SMC1B: variants seen among roughly 807,000 people sequenced by gnomAD.
The protein encoded by SMC1B is structural maintenance of chromosomes 1B.
In SMC1B, 60 loss-of-function variants were observed where a neutral mutation model predicts 157.9. That is an observed-to-expected ratio of 0.38 (90% CI 0.31 to 0.47). SMC1B has a LOEUF of 0.47. Among genes scored for constraint, SMC1B ranks in the 20% least tolerant of loss-of-function variants. The pLI is 0.99. For missense variants in SMC1B, 1,165 were observed against 1,426.2 expected, an observed-to-expected ratio of 0.82 and a Z score of 2.95; for synonymous variants, 445 against 483.0, an observed-to-expected ratio of 0.92 and a Z score of 1.03.
At chr22:45,386,732 G>A in intron 11 of SMC1B, 135 bp downstream of exon 11, 2 of 674,788 alleles carry the variant, frequency 3.0e-6, no homozygotes, top group Non-Finnish European at 2.3e-6. Context: ...AACCACCTTA[G>A]GTTCTATGTT....
intron 11 of SMC1B, 132 bp downstream of exon 11, chr22:45,386,735 T>A (rs1360819453): frequency 2.8e-6 from 2 of 719,252 alleles, no homozygotes; most frequent in Non-Finnish European, 4.3e-6. Context: ...CACCTTAGGT[T>A]CTATGTTGGT....
chr22:45,399,816 A>T (rs2087171570), intron 5 of SMC1B, among the ~76,000 whole-genome samples: 1 of 152,232 alleles, frequency 6.6e-6, no homozygotes, highest in Non-Finnish European at 1.5e-5. Flanking sequence ...AAAGAATTGT[A>T]TATAAGTACT....
Position 45,399,155 on chromosome 22 carries a change from T to C in SMC1B, c.1053A>G (p.Glu351=), listed in dbSNP as rs763233682. The C allele has an allele frequency of 1.9e-6, 3 of 1,614,064 alleles. No individual in the cohort carries two copies. The highest frequency in any genetic ancestry group is 2.5e-6 in the Non-Finnish European group (3 of 1,179,994). The change falls in exon 6 of 25, where the codon GAA becomes GAG. Residue 351 remains glutamate (E), a synonymous_variant. Coordinates refer to ENST00000357450, the MANE Select transcript of SMC1B (RefSeq NM_148674.5). The part of the protein sequence containing the change: ...ADLDAAWRSF[E]KQIEEEILHK... ...GTAAAATTTCTTCCTCAATCTGCTTTTCAAAACTTCTCCATGCAGCATCTA... is the reference window on the plus strand; with the variant it reads ...GTAAAATTTCTTCCTCAATCTGCTTCTCAAAACTTCTCCATGCAGCATCTA...
At position 45,392,526 on chromosome 22, in the gene SMC1B, G is replaced by A. The variant is rs191598891; in HGVS notation, c.1545+1108C>T. 4.2e-4 allele frequency among the ~76,000 whole-genome samples: 62 copies of A among 148,376 alleles called. 1 individual carries two copies. Among genetic ancestry groups the A allele is most frequent in the African/African-American group, 1.5e-3 (61 of 40,158 alleles). On this transcript the variant is annotated intron_variant, in intron 9 of 24. Coordinates refer to ENST00000357450, the MANE Select transcript of SMC1B (RefSeq NM_148674.5). The stretch of plus-strand genomic sequence containing the variant: ...TTCACTAGTTTTTGTCACTTGGATA[G>A]GAATTGGGGGATCTAGATTTTGTGA...
chr22:45,355,919 A>C (rs975257358), intron 19 of SMC1B, among the ~76,000 whole-genome samples: 1 of 152,112 alleles, frequency 6.6e-6, no homozygotes, highest in Non-Finnish European at 1.5e-5. Flanking sequence ...AAAATACAAA[A>C]ATTAGCCAGG....
At chr22:45,402,297 T>C (rs1464886036) in intron 5 of SMC1B, 36 bp downstream of exon 5, 1 of 1,400,046 alleles carries the variant, frequency 7.1e-7, no homozygotes, top group South Asian at 1.2e-5. Context: ...AAGCTACATA[T>C]AACCCAACTG....
At chr22:45,379,310 G>T (rs2086912572) in intron 12 of SMC1B, among the ~76,000 whole-genome samples, 2 of 152,314 alleles carry the variant, frequency 1.3e-5, no homozygotes, top group Middle Eastern at 3.4e-3. Context: ...GTTTTAAAAT[G>T]ACTTCTTGTA....
At chr22:45,364,870 C>T (rs1268393808) in intron 15 of SMC1B, among the ~76,000 whole-genome samples, 1 of 130,174 alleles carries the variant, frequency 7.7e-6, no homozygotes, top group Non-Finnish European at 1.5e-5. Context: ...TGGAGTCTCG[C>T]TCTGTTGCCC....
intron 1 of SMC1B, among the ~76,000 whole-genome samples, chr22:45,409,149 T>C (rs1026300892): frequency 2.6e-5 from 4 of 152,230 alleles, no homozygotes; most frequent in Admixed American, 2.6e-4. Flanking sequence ...CTCTCTTCCA[T>C]TGTTAGGTAT....
chr22:45,409,600 AT>A (rs1197512607), intron 1 of SMC1B, among the ~76,000 whole-genome samples: 2 of 79,178 alleles, frequency 2.5e-5, no homozygotes, highest in African/African-American at 2.8e-4. Flanking sequence ...AAATAAATAA[AT>A]AAATAAATAA....
At position 45,379,247 on chromosome 22, in the gene SMC1B, C is replaced by T. The variant is rs930682524; in HGVS notation, c.2058+4220G>A. ...TCAAGTGATCCACCCACCTTGGCCT[C>T]CCAAAGTGTTGGGATTACAGGCGTG... On this transcript the variant is annotated intron_variant, in intron 12 of 24. Transcript: ENST00000357450. 5.3e-5 allele frequency among the ~76,000 whole-genome samples: 8 copies of T among 152,356 alleles called. 1 individual carries two copies. The highest frequency in any genetic ancestry group is 3.9e-4 in the Admixed American group (6 of 15,306).
At chr22:45,354,324 G>C (rs951635182) in intron 20 of SMC1B, among the ~76,000 whole-genome samples, 192 bp from the exon 21 acceptor site, 5 of 152,038 alleles carry the variant, frequency 3.3e-5, no homozygotes, top group African/African-American at 9.7e-5. Context: ...TTTTCTAGTA[G>C]GGCTAATTGT....
intron 21 of SMC1B, 99 bp from the exon 22 acceptor site, chr22:45,352,701 C>G: frequency 8.3e-7 from 1 of 1,201,500 alleles, no homozygotes; most frequent in East Asian, 2.5e-5. Context: ...AGCTTTTCTT[C>G]AATTTTGATG....
chr22:45,355,144 G>T, intron 19 of SMC1B, 29 bp from the exon 20 acceptor site: 1 of 1,612,452 alleles, frequency 6.2e-7, no homozygotes, highest in East Asian at 2.2e-5. Context: ...AACACTGACT[G>T]GCATGGCATG....
chr22:45,344,749 A>C, intron 24 of SMC1B, 92 bp from the exon 25 acceptor site: 1 of 799,466 alleles, frequency 1.3e-6, no homozygotes, highest in Non-Finnish European at 2.1e-6. Context: ...AATTGCATTC[A>C]AAAGGAATCT....
At chr22:45,393,188 A>G (rs1214964358) in intron 9 of SMC1B, among the ~76,000 whole-genome samples, 1 of 152,230 alleles carries the variant, frequency 6.6e-6, no homozygotes, top group East Asian at 1.9e-4. Context: ...ATTTTGGCTA[A>G]TGAAATACAC....
At chr22:45,357,238 T>C (rs2086678820) in intron 19 of SMC1B, among the ~76,000 whole-genome samples, 1 of 152,258 alleles carries the variant, frequency 6.6e-6, no homozygotes, top group Admixed American at 6.5e-5. Flanking sequence ...AAGCCAAGAA[T>C]AGCTGCACTC....
At chr22:45,385,509 A>T (rs2086981124) in intron 11 of SMC1B, among the ~76,000 whole-genome samples, 1 of 152,130 alleles carries the variant, frequency 6.6e-6, no homozygotes, top group African/African-American at 2.4e-5. Context: ...TATAATTAAG[A>T]TACAAATAAG....
chr22:45,380,132 T>C (rs1207964385), intron 12 of SMC1B, among the ~76,000 whole-genome samples: 1 of 152,200 alleles, frequency 6.6e-6, no homozygotes, highest in East Asian at 1.9e-4. Context: ...GTAAATAATA[T>C]CTTGGTTGTA....
Sources: gnomAD v4.1 joint callset for allele counts (sites outside exome capture counted in the v4.1 genomes callset) on GRCh38, gnomAD v4.1.1 for gene constraint, MANE v1.5 for transcripts, NCBI Gene and HGNC (gene_info 2026-07-23, HGNC 2026-07-21) for gene names.